Variants in DNAAF9 observed in about 807,000 individuals in gnomAD.
DNAAF9 encodes shulin.
Under a neutral mutation model 167.0 loss-of-function variants are expected in DNAAF9, and 90 were observed. The observed-to-expected ratio is 0.54, with a 90% CI of 0.45 to 0.64. The LOEUF (loss-of-function observed/expected upper bound fraction) is 0.64, where lower values mean the gene tolerates loss of function less well. Ranked by LOEUF, DNAAF9 falls within the 30% of genes least tolerant of loss-of-function variation. The probability of loss-of-function intolerance (pLI) is 0.00; values close to 1 mark genes in which losing one functional copy is unlikely to be tolerated. For synonymous variants in DNAAF9, 491 were observed against 508.8 expected, an observed-to-expected ratio of 0.96 and a Z score of 0.47; for missense variants, 1,315 against 1,442.2, an observed-to-expected ratio of 0.91 and a Z score of 1.43.
Position 3,387,884 on chromosome 20 carries a change from T to TAAAAAA in DNAAF9, c.84-5384_84-5379dup, listed in dbSNP as rs557861791. 1.0e-3 allele frequency among the ~76,000 whole-genome samples: 88 copies of TAAAAAA among 87,352 alleles called. 2 individuals carry two copies. Among genetic ancestry groups the TAAAAAA allele is most frequent in the East Asian group, 7.3e-3 (17 of 2,340 alleles). The allele number at this position is 87,352 out of a possible 152,430, so 57.3% of individuals were successfully genotyped here. ...AGGGAGACCCTGTCTCTACAAAAAG[T>TAAAAAA]AAAAAAAAAAAAAAAAAAAAAAAAA... On this transcript the variant is annotated intron_variant, in intron 1 of 36. Coordinates refer to ENST00000252032, the MANE Select transcript of DNAAF9 (RefSeq NM_001009984.3).
At chr20:3,266,884 C>T (rs2068500380) in intron 30 of DNAAF9, among the ~76,000 whole-genome samples, 1 of 144,896 alleles carries the variant, frequency 6.9e-6, no homozygotes, top group East Asian at 2.1e-4. Flanking sequence ...TGGAGTTTCG[C>T]TCTTGTTGCC....
rs548071576 is a variant in DNAAF9, at chr20:3,292,829, G to A, written c.2238+1310C>T. On this transcript the variant is annotated intron_variant, in intron 25 of 36. Coordinates refer to ENST00000252032, the MANE Select transcript of DNAAF9 (RefSeq NM_001009984.3). The stretch of plus-strand genomic sequence containing the variant: ...CGCCTGTAATCCCAGCACTTTGGGA[G>A]GCTGAGGCAGGTGGATAACCTGAGG... Among the ~76,000 whole-genome samples the A allele has an allele frequency of 2.1e-3, 315 of 151,634 alleles. 5 individuals are homozygous for A. The highest frequency in any genetic ancestry group is 1.6e-3 in the East Asian group (8 of 5,148).
At chr20:3,302,314 A>C (rs2069204677) in intron 21 of DNAAF9, among the ~76,000 whole-genome samples, 2 of 152,306 alleles carry the variant, frequency 1.3e-5, no homozygotes, top group South Asian at 4.1e-4. Context: ...GTTTCAATAC[A>C]TGTATACATT....
At chr20:3,391,138 A>C (rs1400722681) in intron 1 of DNAAF9, among the ~76,000 whole-genome samples, 1 of 152,256 alleles carries the variant, frequency 6.6e-6, no homozygotes, top group Admixed American at 6.5e-5. Context: ...CCTTCTTCCC[A>C]GAGATAAACA....
At chr20:3,364,037 A>G (rs2083398780) in intron 6 of DNAAF9, among the ~76,000 whole-genome samples, 1 of 152,138 alleles carries the variant, frequency 6.6e-6, no homozygotes, top group Non-Finnish European at 1.5e-5. Flanking sequence ...CTTGGGTGCA[A>G]GTGATCCTCC....
chr20:3,353,435 G>A (rs1489750394), intron 7 of DNAAF9, among the ~76,000 whole-genome samples: 1 of 151,998 alleles, frequency 6.6e-6, no homozygotes, highest in Non-Finnish European at 1.5e-5. Flanking sequence ...AGACCAGCCC[G>A]GGCAACACAG....
At chr20:3,290,787 C>CTTTTT (rs548143543) in intron 25 of DNAAF9, among the ~76,000 whole-genome samples, 8 of 135,314 alleles carry the variant, frequency 5.9e-5, no homozygotes, top group African/African-American at 1.9e-4. Flanking sequence ...AGGGCTAAGT[C>CTTTTT]TTTTTTTTTT....
chr20:3,350,482 C>G (rs928612504), intron 7 of DNAAF9, among the ~76,000 whole-genome samples: 8 of 151,898 alleles, frequency 5.3e-5, no homozygotes, highest in African/African-American at 1.9e-4. Flanking sequence ...AGGAGGGAGA[C>G]AGAGAGAGAG....
chr20:3,324,857 A>G (rs765701881), intron 14 of DNAAF9, 35 bp downstream of exon 14: 2 of 1,124,568 alleles, frequency 1.8e-6, no homozygotes, highest in South Asian at 2.7e-5. Flanking sequence ...ACGAAGAAAA[A>G]AAATTCCTTA....
chr20:3,337,433 T>C (rs112038577), intron 10 of DNAAF9, among the ~76,000 whole-genome samples: 6,562 of 117,076 alleles, frequency 0.056, 218 homozygotes, highest in African/African-American at 0.12. Flanking sequence ...CCAGGTTCTT[T>C]TTTTTTGTTT....
intron 21 of DNAAF9, among the ~76,000 whole-genome samples, chr20:3,299,182 C>T (rs935662349): frequency 2.0e-5 from 3 of 151,928 alleles, no homozygotes; most frequent in African/African-American, 7.3e-5. Context: ...GCTGGGATTG[C>T]ATATTGTTTT....
chr20:3,401,427 T>C (rs2083982224), intron 1 of DNAAF9, among the ~76,000 whole-genome samples: 1 of 152,140 alleles, frequency 6.6e-6, no homozygotes, highest in South Asian at 2.1e-4. Context: ...CTTGAACTCC[T>C]GACCTCAGGT....
intron 25 of DNAAF9, among the ~76,000 whole-genome samples, chr20:3,293,161 C>T (rs1313359227): frequency 4.6e-5 from 7 of 150,744 alleles, no homozygotes; most frequent in Non-Finnish European, 1.0e-4. Context: ...GGCGTGGGGG[C>T]GCATGCCTGT....
In DNAAF9 at chr20:3,336,251, C is replaced by CG. The variant is rs2069940230; in HGVS notation, c.982-3891dup. On this transcript the variant is annotated intron_variant, in intron 10 of 36. Transcript: ENST00000252032. ...TTGATTTTGCAGATTCACAGTTTTG[C>CG]GTTTTTGTTTTTTTTTTTTTTTTTG... 3.2e-4 allele frequency among the ~76,000 whole-genome samples: 22 copies of CG among 68,090 alleles called. 1 individual carries two copies. The highest frequency in any genetic ancestry group is 3.0e-3 in the Admixed American group (22 of 7,446). The allele number at this position is 68,090 out of a possible 152,430, so 44.7% of individuals were successfully genotyped here.
chr20:3,264,508 G>C lies in DNAAF9; in HGVS notation c.2803C>G (p.Leu935Val), dbSNP rs764404610. 3.2e-5 allele frequency: 48 copies of C among 1,521,326 alleles called. No homozygotes were observed. Among genetic ancestry groups the C allele is most frequent in the Non-Finnish European group, 4.2e-5 (46 of 1,095,690 alleles). 94.2% of individuals were successfully genotyped at this position (1,521,326 alleles called of 1,614,324 possible). The part of the protein sequence containing the change: ...GIVTRNEDIE[L>V]ILSENSFSSP... ...GAAAAACTGTTTTCTGAGAGAATCA[G>C]CTCAATGTCTTCATTCCTTTGAAAA... The change falls in exon 31 of 37, where the codon CTG becomes GTG. Residue 935 changes from leucine (L) to valine (V), a missense_variant. Physicochemically the swap from Leu to Val is conservative, Grantham distance 32. Around this residue, in one of 2 missense-constraint regions of DNAAF9, gnomAD observed 334 missense variants for 429.7 expected, o/e 0.78. Coordinates refer to ENST00000252032, the MANE Select transcript of DNAAF9 (RefSeq NM_001009984.3).
At position 3,281,132 on chromosome 20, in the gene DNAAF9, G is replaced by A. The variant is rs759088965; in HGVS notation, c.2612+509C>T. ...CAACCTCCACCTCCCGGGTTCAAGC[G>A]ATTTTCGTGCCTCAGCCTCCTGAGT... On this transcript the variant is annotated intron_variant, in intron 28 of 36. Coordinates refer to ENST00000252032, the MANE Select transcript of DNAAF9 (RefSeq NM_001009984.3). 3.3e-5 allele frequency among the ~76,000 whole-genome samples: 5 copies of A among 152,064 alleles called. No individual in the cohort carries two copies. The South Asian group carries it at 6.2e-4, about 19-fold the overall frequency.
At chr20:3,333,928 A>G (rs956398166) in intron 10 of DNAAF9, among the ~76,000 whole-genome samples, 1 of 152,190 alleles carries the variant, frequency 6.6e-6, no homozygotes, top group Non-Finnish European at 1.5e-5. Flanking sequence ...AAGTAGTTAA[A>G]ATAAGTAACT....
chr20:3,344,608 C>T (rs867378152), intron 8 of DNAAF9, among the ~76,000 whole-genome samples: 3 of 141,208 alleles, frequency 2.1e-5, no homozygotes, highest in East Asian at 3.9e-4. Flanking sequence ...CACACACACA[C>T]ACACACACAC....
At chr20:3,311,004 A>G (rs2069404745) in intron 20 of DNAAF9, among the ~76,000 whole-genome samples, 2 of 152,180 alleles carry the variant, frequency 1.3e-5, no homozygotes, top group South Asian at 2.1e-4. Flanking sequence ...AAAAAAAGCC[A>G]TATGTGGGCT....
Sources: gnomAD v4.1 joint callset for allele counts (sites outside exome capture counted in the v4.1 genomes callset) on GRCh38, gnomAD v4.1.1 for gene constraint, gnomAD v4.1.1 regional missense constraint, MANE v1.5 for transcripts, NCBI Gene and HGNC (gene_info 2026-07-23, HGNC 2026-07-21) for gene names.